The following MROH2B variants were observed in gnomAD, a reference collection of about 807,000 sequenced individuals.
MROH2B encodes maestro heat-like repeat-containing protein family member 2B.
Under a neutral mutation model 208.6 loss-of-function variants are expected in MROH2B, and 177 were observed. That is an observed-to-expected ratio of 0.85 (90% confidence interval 0.75 to 0.96). MROH2B has a LOEUF of 0.96. MROH2B is among the 40% of genes least tolerant of loss of function. MROH2B has a pLI of 0.00. For missense variants in MROH2B, 2,002 were observed against 1,878.7 expected, an observed-to-expected ratio of 1.07 and a Z score of -1.21; for synonymous variants, 728 against 659.0, an observed-to-expected ratio of 1.10 and a Z score of -1.60.
Position 41,042,118 on chromosome 5 carries a change from G to A in MROH2B, c.1927C>T (p.Pro643Ser), listed in dbSNP as rs1225723939. 1.3e-6 allele frequency: 2 copies of A among 1,593,004 alleles called. No homozygotes were observed. Among genetic ancestry groups the A allele is most frequent in the South Asian group, 1.1e-5 (1 of 87,118 alleles). The change falls in exon 19 of 42, where the codon CCC becomes TCC. Residue 643 changes from proline (P) to serine (S), a missense_variant. By Grantham distance (74) the Pro-to-Ser change is moderately conservative. Coordinates refer to ENST00000399564, the MANE Select transcript of MROH2B (RefSeq NM_173489.5). ...NSQIKEFLTA[P>S]NQLGDQRQGI... is the part of the protein sequence containing the mutation. Reference sequence around the variant, plus strand: ...TGTCTTTGATCCCCCAGTTGGTTGGGAGCAGTCAGAAACTCCTTAATCTGT... The same window carrying A: ...TGTCTTTGATCCCCCAGTTGGTTGGAAGCAGTCAGAAACTCCTTAATCTGT...
intron 28 of MROH2B, among the ~76,000 whole-genome samples, chr5:41,016,613 G>T (rs1303567909): frequency 1.4e-5 from 2 of 145,186 alleles, no homozygotes; most frequent in Non-Finnish European, 3.0e-5. Flanking sequence ...CGAGTAGCTG[G>T]GATTACAGGC....
In MROH2B at chr5:41,007,421, G is replaced by A. The variant is rs753991222; in HGVS notation, c.3642C>T (p.Ala1214=). Residue 1214 remains alanine (A), a synonymous_variant, in exon 34 of 42, where the codon GCC becomes GCT. Coordinates refer to ENST00000399564, the MANE Select transcript of MROH2B (RefSeq NM_173489.5). ...TTGCAAGGCCTTCTCTCATGGCTTG[G>A]GCTTGCAAACATTTTAAAGTAGCAG... ...LSTATLKCLQ[A]QAMREGLAKE... The A allele has an allele frequency of 5.4e-5, 85 of 1,575,810 alleles. No individual in the cohort carries two copies. The highest frequency in any genetic ancestry group is 7.8e-6 in the Non-Finnish European group (9 of 1,160,926).
chr5:41,066,400 A>T (rs909795233), intron 3 of MROH2B, among the ~76,000 whole-genome samples: 1 of 152,212 alleles, frequency 6.6e-6, no homozygotes, highest in Non-Finnish European at 1.5e-5. Context: ...ATTGATCTAG[A>T]GAGATAAGCC....
intron 21 of MROH2B, among the ~76,000 whole-genome samples, chr5:41,034,269 G>T (rs1482426183): frequency 1.3e-5 from 2 of 152,118 alleles, no homozygotes; most frequent in South Asian, 2.1e-4. Context: ...TGAGTACAGT[G>T]AGTTCTGCTA....
chr5:41,068,470 T>C (rs1337969532), intron 2 of MROH2B, among the ~76,000 whole-genome samples: 1 of 152,144 alleles, frequency 6.6e-6, no homozygotes, highest in Non-Finnish European at 1.5e-5. Context: ...CACAAATATA[T>C]TCATTTTATA....
chr5:41,052,158 G>A (rs1743304540), intron 12 of MROH2B, among the ~76,000 whole-genome samples: 1 of 149,420 alleles, frequency 6.7e-6, no homozygotes, highest in African/African-American at 2.5e-5. Context: ...TTAACTTAGG[G>A]AAAACTGATT....
chr5:41,046,816 A>G (rs1170619378), intron 17 of MROH2B, among the ~76,000 whole-genome samples: 1 of 152,154 alleles, frequency 6.6e-6, no homozygotes, highest in East Asian at 1.9e-4. Flanking sequence ...AAGGGAACAT[A>G]AAAGAACCAT....
chr5:41,000,174 A>T, intron 39 of MROH2B, 46 bp downstream of exon 39: 1 of 1,608,680 alleles, frequency 6.2e-7, no homozygotes, highest in Non-Finnish European at 8.5e-7. Context: ...ATTTGTCTAG[A>T]CCCTTGTCCT....
chr5:41,051,450 TCA>T (rs1463635598), intron 12 of MROH2B: 8 of 161,254 alleles, frequency 5.0e-5, no homozygotes, highest in African/African-American at 1.9e-4. Context: ...TTTGCTAAAA[TCA>T]CAGAGATCAT....
chr5:41,021,344 A>T (rs1168968820), intron 24 of MROH2B, among the ~76,000 whole-genome samples: 1 of 152,228 alleles, frequency 6.6e-6, no homozygotes, highest in Non-Finnish European at 1.5e-5. Flanking sequence ...TATTGTAAAG[A>T]TGACTAGATC....
chr5:41,026,483 T>G (rs748282787), intron 24 of MROH2B, among the ~76,000 whole-genome samples: 2 of 152,140 alleles, frequency 1.3e-5, no homozygotes, highest in East Asian at 1.9e-4. Flanking sequence ...TTACTAGGGA[T>G]GTGAAGGACC....
In MROH2B at chr5:41,000,234, A is replaced by T; in HGVS notation, c.4468T>A (p.Phe1490Ile). 1 of 1,613,858 alleles carries T rather than the reference A, an allele frequency of 6.2e-7. No homozygotes were observed. Among genetic ancestry groups the T allele is most frequent in the African/African-American group, 1.3e-5 (1 of 75,030 alleles). The change falls in exon 39 of 42, where the codon TTC (phenylalanine) becomes ATC (isoleucine). Residue 1490 changes from phenylalanine to isoleucine, a missense_variant. Physicochemically the swap from Phe to Ile is conservative, Grantham distance 21. Transcript: ENST00000399564. Reference sequence around the variant, plus strand: ...TGGACACTCACCAGTTTCACACAGAATTGCCTGTAGAAATCCCTGGCCCTT... The same window carrying T: ...TGGACACTCACCAGTTTCACACAGATTTGCCTGTAGAAATCCCTGGCCCTT... ...LPRARDFYRQ[F>I]CVKLAKKNQE...
intron 23 of MROH2B, 84 bp from the exon 24 acceptor site, chr5:41,032,905 G>C: frequency 6.5e-7 from 1 of 1,542,796 alleles, no homozygotes; most frequent in South Asian, 1.2e-5. Flanking sequence ...CAGACCATTG[G>C]GTGCCCTGGG....
intron 32 of MROH2B, 41 bp downstream of exon 32, chr5:41,009,239 G>A (rs551328221): frequency 5.2e-5 from 84 of 1,607,448 alleles, no homozygotes; most frequent in South Asian, 1.9e-4. Flanking sequence ...TAAAGATGGC[G>A]CAGTCTCAGG....
chr5:41,062,475 T>A (rs967854412), intron 5 of MROH2B, among the ~76,000 whole-genome samples: 8 of 152,202 alleles, frequency 5.3e-5, no homozygotes, highest in Non-Finnish European at 1.0e-4. Flanking sequence ...CACTTCTGAT[T>A]TGCGTGATTT....
chr5:41,010,111 G>C, intron 30 of MROH2B, 32 bp from the exon 31 acceptor site: 6 of 1,606,376 alleles, frequency 3.7e-6, no homozygotes, highest in Non-Finnish European at 5.1e-6. Context: ...CAAACATTAA[G>C]TTGCCATTTT....
intron 12 of MROH2B, 69 bp downstream of exon 12, chr5:41,052,396 A>T: frequency 7.1e-7 from 1 of 1,404,600 alleles, no homozygotes; most frequent in Non-Finnish European, 9.4e-7. Flanking sequence ...ATCATTTTTT[A>T]AAAAGAAACA....
At chr5:41,054,742 C>T (rs777754122) in intron 11 of MROH2B, 25 bp downstream of exon 11, 2 of 1,537,768 alleles carry the variant, frequency 1.3e-6, no homozygotes, top group African/African-American at 1.4e-5. Context: ...CTACCATCGA[C>T]AAGAGTTTCT....
chr5:41,054,892 T>A, intron 10 of MROH2B, 52 bp from the exon 11 acceptor site: 1 of 1,246,474 alleles, frequency 8.0e-7, no homozygotes, highest in South Asian at 1.4e-5. Flanking sequence ...AAGTACAGTA[T>A]GTTCTAGGAT....
Sources: allele counts gnomAD v4.1 joint callset (sites outside exome capture counted in the v4.1 genomes callset), GRCh38; gene constraint gnomAD v4.1.1; transcripts MANE v1.5; gene names NCBI Gene and HGNC (gene_info 2026-07-23, HGNC 2026-07-21).